The following RCAN2 variants were observed in gnomAD, a reference collection of about 807,000 sequenced individuals.
RCAN2 encodes the protein regulator of calcineurin 2.
In RCAN2, 9 loss-of-function variants were observed where a neutral mutation model predicts 23.6. The ratio of observed to expected loss-of-function variants is 0.38; its 90% confidence interval spans 0.23 to 0.67. The LOEUF is 0.67. Among genes scored for constraint, RCAN2 ranks in the 30% least tolerant of loss-of-function variants. The pLI is 0.51. For synonymous variants in RCAN2, 109 were observed against 115.7 expected (o/e 0.94, Z 0.37); for missense variants, 273 against 302.3 (o/e 0.90, Z 0.72).
At chr6:46,491,890 C>G (rs1453512546), upstream of RCAN2, 1 of 152,336 alleles carries the variant, frequency 6.6e-6, no homozygotes, top group African/African-American at 2.4e-5. Context: ...AGCCCCCCGA[C>G]TCTGGCTAAC....
intron 4 of RCAN2, among the ~76,000 whole-genome samples, chr6:46,243,423 T>A (rs1301487037): frequency 6.6e-6 from 1 of 152,174 alleles, no homozygotes; most frequent in Non-Finnish European, 1.5e-5. Context: ...AAACTCTCAA[T>A]ATTTGCTCTT....
intron 2 of RCAN2, among the ~76,000 whole-genome samples, chr6:46,331,144 T>C (rs1763957177): frequency 6.6e-6 from 1 of 152,240 alleles, no homozygotes; most frequent in Non-Finnish European, 1.5e-5. Context: ...AGCCATGGTT[T>C]TTGTAATAAA....
At chr6:46,486,688 T>A (rs573227278) in intron 1 of RCAN2, among the ~76,000 whole-genome samples, 1 of 152,210 alleles carries the variant, frequency 6.6e-6, no homozygotes, top group Non-Finnish European at 1.5e-5. Flanking sequence ...TATGCATACA[T>A]TCCAAAGCTT....
At chr6:46,248,933 A>G (rs1215859739) in intron 2 of RCAN2, 37 bp from the exon 3 acceptor site, 1 of 1,500,298 alleles carries the variant, frequency 6.7e-7, no homozygotes, top group Non-Finnish European at 9.1e-7. Flanking sequence ...TCCATTGGCC[A>G]TGGCATGGAT....
chr6:46,425,482 C>G (rs1244602310), intron 2 of RCAN2, among the ~76,000 whole-genome samples: 1 of 151,986 alleles, frequency 6.6e-6, no homozygotes, highest in African/African-American at 2.4e-5. Flanking sequence ...CTTAGTAACC[C>G]CCAGGAATTA....
At chr6:46,376,717 A>G (rs1163825067) in intron 2 of RCAN2, among the ~76,000 whole-genome samples, 8 of 34,428 alleles carry the variant, frequency 2.3e-4, no homozygotes, top group African/African-American at 1.4e-3. Flanking sequence ...CAAACAAACA[A>G]AAAAAAAAAA....
intron 2 of RCAN2, among the ~76,000 whole-genome samples, chr6:46,302,305 G>A (rs1762927771): frequency 6.6e-6 from 1 of 152,034 alleles, no homozygotes; most frequent in Non-Finnish European, 1.5e-5. Context: ...TTCTGTTTTG[G>A]CCATGTTAAG....
rs546727305 is a variant in RCAN2 at position 46,385,223 on chromosome 6, A to G, written c.225+71529T>C. ...ACAGGAGGATGACTCCAACCCAAGG[A>G]AAATACAGGAGAGGCACAAATCTGC... On this transcript the variant is annotated intron_variant, in intron 2 of 4. Coordinates refer to ENST00000371374, the MANE Select transcript of RCAN2 (RefSeq NM_001251974.2). Among the ~76,000 whole-genome samples the G allele has an allele frequency of 2.0e-5, 3 of 152,346 alleles. No individual in the cohort carries two copies. The East Asian group carries it at 5.8e-4, about 29-fold the overall frequency.
intron 2 of RCAN2, among the ~76,000 whole-genome samples, chr6:46,351,186 C>T (rs753685219): frequency 6.6e-6 from 1 of 152,212 alleles, no homozygotes; most frequent in African/African-American, 2.4e-5. Flanking sequence ...GATTTCAACC[C>T]AGCCATGTTT....
intron 2 of RCAN2, among the ~76,000 whole-genome samples, chr6:46,295,774 GAGCC>G (rs1762706061): frequency 6.6e-6 from 1 of 152,064 alleles, no homozygotes; most frequent in Non-Finnish European, 1.5e-5. Context: ...TGAGAGGTTG[GAGCC>G]AGAGGAGAAG....
intron 2 of RCAN2, among the ~76,000 whole-genome samples, chr6:46,311,505 A>G (rs947778309): frequency 4.6e-5 from 7 of 152,154 alleles, no homozygotes; most frequent in Non-Finnish European, 8.8e-5. Flanking sequence ...AACACATACA[A>G]CAGGGTAAGT....
chr6:46,343,178 C>T (rs1764381751), intron 2 of RCAN2, among the ~76,000 whole-genome samples: 1 of 151,898 alleles, frequency 6.6e-6, no homozygotes, highest in South Asian at 2.1e-4. Flanking sequence ...AGAACAACAA[C>T]AGGAATTACT....
chr6:46,418,933 T>C (rs553020900), intron 2 of RCAN2, among the ~76,000 whole-genome samples: 6 of 151,364 alleles, frequency 4.0e-5, no homozygotes, highest in African/African-American at 7.3e-5. Flanking sequence ...ACTAAAAATA[T>C]AAAAATTAGC....
In RCAN2 at chr6:46,243,582, G is replaced by A. The variant is rs141355076; in HGVS notation, c.571+3166C>T. ...TCCCAGCACTTTGGGAGACTGAGGC[G>A]GGTGGATCACGAGGTCAGGAGTTTG... is the stretch of plus-strand genomic sequence containing the variant. On this transcript the variant is annotated intron_variant, in intron 4 of 4. Coordinates refer to ENST00000371374, the MANE Select transcript of RCAN2 (RefSeq NM_001251974.2). Among the ~76,000 whole-genome samples the A allele has an allele frequency of 3.4e-3, 519 of 152,094 alleles. 2 individuals carry two copies. Among genetic ancestry groups the A allele is most frequent in the African/African-American group, 0.011 (469 of 41,488 alleles).
intron 4 of RCAN2, among the ~76,000 whole-genome samples, chr6:46,245,762 G>GA (rs1341007004): frequency 6.6e-6 from 1 of 152,070 alleles, no homozygotes; most frequent in African/African-American, 2.4e-5. Flanking sequence ...CATCAAATTA[G>GA]AATCTCTTGG....
intron 2 of RCAN2, among the ~76,000 whole-genome samples, chr6:46,263,452 AGTGTGT>A (rs372510159): frequency 2.0e-3 from 243 of 124,414 alleles, no homozygotes; most frequent in African/African-American, 6.0e-3. Flanking sequence ...GTCATCAGAG[AGTGTGT>A]GTGTGTGTGT....
chr6:46,341,656 G>C (rs913337976), intron 2 of RCAN2, among the ~76,000 whole-genome samples: 3 of 152,072 alleles, frequency 2.0e-5, no homozygotes, highest in African/African-American at 4.8e-5. Context: ...AAAATAGCCA[G>C]GCATGGTGGC....
At chr6:46,472,149 C>A (rs1191548464) in intron 1 of RCAN2, among the ~76,000 whole-genome samples, 1 of 152,194 alleles carries the variant, frequency 6.6e-6, no homozygotes, top group Non-Finnish European at 1.5e-5. Flanking sequence ...TAAGATCTCT[C>A]AAATCAACAC....
At chr6:46,445,314 G>A in intron 2 of RCAN2, among the ~76,000 whole-genome samples, 1 of 152,144 alleles carries the variant, frequency 6.6e-6, no homozygotes, top group Non-Finnish European at 1.5e-5. Flanking sequence ...ATGGACTCAA[G>A]CACCAGGCCT....
Sources: gnomAD v4.1 joint callset for allele counts (sites outside exome capture counted in the v4.1 genomes callset) on GRCh38, gnomAD v4.1.1 for gene constraint, MANE v1.5 for transcripts, NCBI Gene and HGNC (gene_info 2026-07-23, HGNC 2026-07-21) for gene names.